Variants in HECTD4 observed in about 807,000 individuals in gnomAD.
The protein encoded by HECTD4 is HECT domain E3 ubiquitin protein ligase 4.
Under a neutral mutation model 471.5 loss-of-function variants are expected in HECTD4, and 114 were observed. That is an observed-to-expected ratio of 0.24 (90% CI 0.21 to 0.28). The LOEUF (loss-of-function observed/expected upper bound fraction) is 0.28, where lower values mean the gene tolerates loss of function less well. HECTD4 is among the 10% of genes least tolerant of loss of function. The pLI, the probability that HECTD4 is intolerant of heterozygous loss-of-function variation, is 1.00. For synonymous variants in HECTD4, 2,012 were observed against 2,256.0 expected (o/e 0.89, Z 3.07); for missense variants, 3,866 against 5,651.5 (o/e 0.68, Z 10.13).
intron 60 of HECTD4, among the ~76,000 whole-genome samples, chr12:112,186,139 A>G (rs1566065081): frequency 6.6e-6 from 1 of 151,418 alleles, no homozygotes; most frequent in African/African-American, 2.4e-5. Context: ...TGCCCAGCTA[A>G]TTTTTGTATT....
chr12:112,377,668 C>A (rs542969761), intron 1 of HECTD4, among the ~76,000 whole-genome samples: 3 of 152,118 alleles, frequency 2.0e-5, no homozygotes, highest in Non-Finnish European at 2.9e-5. Context: ...GTTAGGAGTT[C>A]GAGACCAGCC....
Position 112,194,746 on chromosome 12 carries a change from A to T in HECTD4, c.8749+139T>A. 1 of 734,444 alleles carries T rather than the reference A, an allele frequency of 1.4e-6. No homozygotes were observed. The highest frequency in any genetic ancestry group is 2.2e-6 in the Non-Finnish European group (1 of 453,102). 45.5% of individuals were successfully genotyped at this position (734,444 alleles called of 1,614,324 possible). On this transcript the variant is annotated intron_variant, in intron 56 of 75. Coordinates refer to ENST00000682272, the MANE Select transcript of HECTD4 (RefSeq NM_001388303.1). This position sits in a 1 kb window ranked among gnomAD's most constrained non-coding sequence, Gnocchi z 4.6. The stretch of plus-strand genomic sequence containing the variant: ...GAGAAAGCCCTGCCAGGAGAATCCC[A>T]GTTCCTGCGTGCAATTTCTCACGTG...
In HECTD4 at chr12:112,217,109, GA is replaced by G; in HGVS notation, c.7160del (p.Phe2387SerfsTer49). 6.3e-7 allele frequency: 1 copy of G among 1,594,918 alleles called. No homozygotes were observed. Among genetic ancestry groups the G allele is most frequent in the Admixed American group, 1.8e-5 (1 of 56,636 alleles). The stretch of plus-strand genomic sequence containing the variant: ...CTCCCCCAGCGCTGGGGTCAGCCAG[GA>G]AGGTGACTGAGGTAAGGTGAGATGA... ...MFSSHLTSVT[F>X]LADPSAGGGL... On this transcript the variant is annotated frameshift_variant, in exon 46 of 76. Transcript: ENST00000682272. LOFTEE classifies it high-confidence loss of function.
chr12:112,200,870 TGTGTGCGTGCGTGC>T (rs1338191854), intron 54 of HECTD4, 72 bp from the exon 55 acceptor site: 1 of 1,360,748 alleles, frequency 7.3e-7, no homozygotes, highest in East Asian at 2.4e-5. Flanking sequence ...CGTGCGTGTG[TGTGTGCGTGCGTGC>T]GTGTGTGTGT....
At chr12:112,164,309 A>T (rs1432472400) in intron 72 of HECTD4, 34 bp from the exon 73 acceptor site, 8 of 1,583,314 alleles carry the variant, frequency 5.1e-6, no homozygotes, top group Non-Finnish European at 6.9e-6. Context: ...GCTCATTATG[A>T]GGCCATGGGA....
intron 1 of HECTD4, among the ~76,000 whole-genome samples, chr12:112,348,407 C>T (rs1372021794): frequency 6.6e-6 from 1 of 152,158 alleles, no homozygotes; most frequent in Non-Finnish European, 1.5e-5. Flanking sequence ...TCAAACAGAA[C>T]TATAGATGGA....
chr12:112,200,992 C>T, intron 54 of HECTD4, 194 bp from the exon 55 acceptor site: 2 of 604,822 alleles, frequency 3.3e-6, no homozygotes, highest in South Asian at 3.7e-5. Flanking sequence ...ATTCACAATA[C>T]ATTTTTGAAA....
At position 112,243,429 on chromosome 12, in the gene HECTD4, G is replaced by A. The variant is rs752194051; in HGVS notation, c.4882C>T (p.Leu1628=). ...KQALVHMREL[L]TAAVRVGGVT... The stretch of plus-strand genomic sequence containing the variant: ...CCCCCGACTCGTACGGCAGCTGTCA[G>A]CAATTCCCGCATGTGCACCAGTGCC... The change falls in exon 32 of 76, where the codon CTG becomes TTG. Residue 1628 remains leucine (L), a synonymous_variant. Coordinates refer to ENST00000682272, the MANE Select transcript of HECTD4 (RefSeq NM_001388303.1). The surrounding 1 kb of genome is among the most constrained non-coding windows in gnomAD (Gnocchi z 6.6). 21 of 1,611,710 alleles carry A rather than the reference G, an allele frequency of 1.3e-5. No individual in the cohort carries two copies. Among genetic ancestry groups the A allele is most frequent in the Non-Finnish European group, 1.8e-5 (21 of 1,179,002 alleles).
chr12:112,273,170 T>C (rs745940590), intron 11 of HECTD4, among the ~76,000 whole-genome samples: 1 of 152,208 alleles, frequency 6.6e-6, no homozygotes, highest in Non-Finnish European at 1.5e-5. Flanking sequence ...TGCTGAGTGA[T>C]TAATTCCTCC....
At chr12:112,177,978 T>A (rs2037745) in intron 64 of HECTD4, among the ~76,000 whole-genome samples, 32,289 of 152,206 alleles carry the variant, frequency 0.21, 5,536 homozygotes, top group East Asian at 0.85. Flanking sequence ...TCAAAACTTA[T>A]GAAAATAATA....
At chr12:112,334,525 T>C (rs1329410715) in intron 1 of HECTD4, among the ~76,000 whole-genome samples, 1 of 150,778 alleles carries the variant, frequency 6.6e-6, no homozygotes, top group Non-Finnish European at 1.5e-5. Context: ...CCAGGCACGG[T>C]GGCTCACGCC....
chr12:112,269,872 T>A (rs2034377104), intron 12 of HECTD4, 23 bp from the exon 13 acceptor site: 1 of 1,605,786 alleles, frequency 6.2e-7, no homozygotes, highest in Non-Finnish European at 8.5e-7. Flanking sequence ...AAGGAGTCTA[T>A]CTAAAAATGC....
rs756735953 is a variant in HECTD4 at position 112,228,726 on chromosome 12, G to C, written c.6605C>G (p.Pro2202Arg). 8.1e-6 allele frequency: 13 copies of C among 1,613,320 alleles called. No individual in the cohort carries two copies. In the South Asian group the frequency reaches 1.2e-4, roughly 15 times the overall value. The change falls in exon 42 of 76, where the codon CCC (proline) becomes CGC (arginine). Residue 2202 changes from proline (P) to arginine (R), a missense_variant. Pro to Arg is a moderately radical substitution (Grantham distance 103, BLOSUM62 -2). Coordinates refer to ENST00000682272, the MANE Select transcript of HECTD4 (RefSeq NM_001388303.1). The surrounding 1 kb of genome is among the most constrained non-coding windows in gnomAD (Gnocchi z 4.9). ...QEGIATVRFP[P>R]IDCRKTSQAS... is the part of the protein sequence containing the mutation. ...TTGCGAAGTCTTTCTACAGTCTATGGGTGGGAATCTGACTGTAGCTATACC... is the reference window on the plus strand; with the variant it reads ...TTGCGAAGTCTTTCTACAGTCTATGCGTGGGAATCTGACTGTAGCTATACC...
At position 112,306,164 on chromosome 12, in the gene HECTD4, G is replaced by A; in HGVS notation, c.1235C>T (p.Ser412Phe). Reference protein sequence around the residue: ...IGSTMSTVHLSSDGTYFYWIW... With the variant: ...IGSTMSTVHLFSDGTYFYWIW... ...CCAATAGAAGTAAGTGCCATCTGAA[G>A]ACAGGTGCACAGTGCTCATGGTGCT... The change falls in exon 7 of 76, where the codon TCT becomes TTT. Residue 412 changes from serine (S) to phenylalanine (F), a missense_variant. Ser to Phe is a radical substitution (Grantham distance 155, BLOSUM62 -2). Around this residue, in one of 16 missense-constraint regions of HECTD4, gnomAD observed 440 missense variants for 636.0 expected, o/e 0.69. Coordinates refer to ENST00000682272, the MANE Select transcript of HECTD4 (RefSeq NM_001388303.1). 1.2e-6 allele frequency: 2 copies of A among 1,613,144 alleles called. No homozygotes were observed. The highest frequency in any genetic ancestry group is 1.7e-6 in the Non-Finnish European group (2 of 1,179,644).
intron 55 of HECTD4, among the ~76,000 whole-genome samples, chr12:112,196,525 C>A (rs2032249415): frequency 6.6e-6 from 1 of 152,108 alleles, no homozygotes; most frequent in Non-Finnish European, 1.5e-5. Context: ...AGCTGAGAAC[C>A]CCACGGTTCT....
intron 62 of HECTD4, among the ~76,000 whole-genome samples, chr12:112,182,785 G>A (rs2031724933): frequency 6.6e-6 from 1 of 152,248 alleles, no homozygotes; most frequent in Non-Finnish European, 1.5e-5. Context: ...TGACAGCTGG[G>A]AGAAGGGGGA....
At chr12:112,371,900 A>AC (rs2036681764) in intron 1 of HECTD4, among the ~76,000 whole-genome samples, 1 of 151,006 alleles carries the variant, frequency 6.6e-6, no homozygotes, top group Non-Finnish European at 1.5e-5. Context: ...AAAAAAAAAA[A>AC]AAAAAAAGAA....
intron 60 of HECTD4, 74 bp from the exon 61 acceptor site, chr12:112,185,567 G>C (rs1411931725): frequency 8.6e-7 from 1 of 1,156,102 alleles, no homozygotes; most frequent in Admixed American, 2.6e-5. Context: ...TCTGAGCCTG[G>C]AATCAACCCT....
At chr12:112,165,477 A>G (rs933813441) in intron 72 of HECTD4, among the ~76,000 whole-genome samples, 4 of 146,534 alleles carry the variant, frequency 2.7e-5, no homozygotes, top group Non-Finnish European at 6.0e-5. Context: ...TCAGCCTCCC[A>G]AGTAGCTGGG....
Sources: gnomAD v4.1 joint callset for allele counts (sites outside exome capture counted in the v4.1 genomes callset) on GRCh38, gnomAD v4.1.1 for gene constraint, gnomAD v4.1.1 regional missense constraint, Gnocchi (gnomAD v3.1) non-coding constraint, MANE v1.5 for transcripts, NCBI Gene and HGNC (gene_info 2026-07-23, HGNC 2026-07-21) for gene names.